The following IQCM variants were observed in gnomAD, a reference collection of about 807,000 sequenced individuals.
The protein encoded by IQCM is IQ motif containing M, also known as IQ domain-containing protein M.
IQCM carries 45 observed loss-of-function variants against 57.6 expected under a neutral mutation model. The ratio of observed to expected loss-of-function variants is 0.78; its 90% confidence interval spans 0.62 to 1.00. IQCM has a LOEUF of 1.00. Among genes scored for constraint, IQCM ranks in the 50% least tolerant of loss-of-function variants. IQCM has a pLI of 0.00. For missense variants in IQCM, 468 were observed against 511.6 expected (o/e 0.91, Z 0.82); for synonymous variants, 148 against 158.9 (o/e 0.93, Z 0.51).
chr4:149,770,272 A>AG (rs1403971710), intron 2 of IQCM, among the ~76,000 whole-genome samples: 2 of 152,076 alleles, frequency 1.3e-5, no homozygotes, highest in Non-Finnish European at 2.9e-5. Context: ...GAAGAAACAG[A>AG]TAACCTGCTT....
intron 12 of IQCM, among the ~76,000 whole-genome samples, chr4:149,528,134 T>C (rs1422201200): frequency 6.6e-6 from 1 of 151,908 alleles, no homozygotes; most frequent in African/African-American, 2.4e-5. Flanking sequence ...TACAGGCACC[T>C]GGCCCCACAC....
At chr4:149,365,041 C>G (rs1488131124) in intron 13 of IQCM, among the ~76,000 whole-genome samples, 1 of 152,022 alleles carries the variant, frequency 6.6e-6, no homozygotes, top group African/African-American at 2.4e-5. Context: ...TTTCCTAATT[C>G]TACCCTCTGA....
At chr4:149,433,323 A>G (rs1236917336) in intron 13 of IQCM, 73 bp downstream of exon 13, 1 of 641,504 alleles carries the variant, frequency 1.6e-6, no homozygotes. Flanking sequence ...CTAAGTGATG[A>G]ATACAGTTAT....
Position 149,428,089 on chromosome 4 carries a change from T to A in IQCM, c.1390+5307A>T, listed in dbSNP as rs879492465. On this transcript the variant is annotated intron_variant, in intron 13 of 13. Transcript: ENST00000636793. The stretch of plus-strand genomic sequence containing the variant: ...AATATATAGAGCTCCTTTCAAATGA[T>A]AATGTAAGTTTTTTACAGTAATCCT... Among the ~76,000 whole-genome samples, 16 of 151,860 alleles carry A rather than the reference T, an allele frequency of 1.1e-4. 1 individual carries two copies. The highest frequency in any genetic ancestry group is 2.2e-4 in the Non-Finnish European group (15 of 67,878).
At chr4:149,469,750 G>T (rs1739295332) in intron 12 of IQCM, among the ~76,000 whole-genome samples, 1 of 152,204 alleles carries the variant, frequency 6.6e-6, no homozygotes, top group African/African-American at 2.4e-5. Context: ...ACAAAGGGAA[G>T]CCCATCAGAC....
intron 3 of IQCM, among the ~76,000 whole-genome samples, chr4:149,739,467 A>AT (rs5862894): frequency 9.6e-4 from 120 of 125,024 alleles, no homozygotes; most frequent in Non-Finnish European, 1.6e-3. Context: ...TGTTTATATA[A>AT]TTTTTTTTTT....
At chr4:149,729,150 T>C (rs1163610250) in intron 5 of IQCM, among the ~76,000 whole-genome samples, 1 of 152,216 alleles carries the variant, frequency 6.6e-6, no homozygotes, top group Non-Finnish European at 1.5e-5. Flanking sequence ...GGAAGTTCCT[T>C]GAATAGACAA....
chr4:149,411,703 A>G (rs1160807077), intron 13 of IQCM, among the ~76,000 whole-genome samples: 1 of 152,192 alleles, frequency 6.6e-6, no homozygotes. Context: ...TTTACTAGGA[A>G]GAATAATAAA....
intron 7 of IQCM, among the ~76,000 whole-genome samples, chr4:149,664,618 C>A (rs6835892): frequency 0.21 from 31,337 of 152,046 alleles, 4,068 homozygotes; most frequent in Non-Finnish European, 0.28. Flanking sequence ...TTTGTGATGG[C>A]AATGCCACAG....
At chr4:149,458,011 A>C (rs1737883220) in intron 12 of IQCM, among the ~76,000 whole-genome samples, 1 of 151,986 alleles carries the variant, frequency 6.6e-6, no homozygotes, top group African/African-American at 2.4e-5. Context: ...AACAAAGTTG[A>C]ACATAAAAGA....
At chr4:149,755,239 T>G (rs1768851687) in intron 2 of IQCM, among the ~76,000 whole-genome samples, 1 of 152,174 alleles carries the variant, frequency 6.6e-6, no homozygotes, top group Non-Finnish European at 1.5e-5. Context: ...CAACCAGAGT[T>G]ATTCAAATAA....
At chr4:149,736,965 CTG>C (rs1183640989) in intron 3 of IQCM, among the ~76,000 whole-genome samples, 2 of 152,140 alleles carry the variant, frequency 1.3e-5, no homozygotes, top group Non-Finnish European at 2.9e-5. Flanking sequence ...AGTTTGTAAA[CTG>C]TGGTTATATG....
chr4:149,648,116 C>T (rs1451584260), intron 7 of IQCM, among the ~76,000 whole-genome samples: 1 of 152,064 alleles, frequency 6.6e-6, no homozygotes, highest in Non-Finnish European at 1.5e-5. Context: ...CAGATATTTT[C>T]ATCTTCTCAT....
chr4:149,576,515 A>G (rs1469789870), intron 9 of IQCM, among the ~76,000 whole-genome samples: 1 of 151,894 alleles, frequency 6.6e-6, no homozygotes, highest in East Asian at 1.9e-4. Flanking sequence ...TTGTTCCCAG[A>G]TTAATCCGCT....
At chr4:149,558,565 G>C (rs1047732226) in intron 10 of IQCM, among the ~76,000 whole-genome samples, 12 of 152,114 alleles carry the variant, frequency 7.9e-5, no homozygotes, top group African/African-American at 1.2e-4. Flanking sequence ...GTGGTAGTAA[G>C]TGCCATGAAG....
intron 7 of IQCM, among the ~76,000 whole-genome samples, chr4:149,679,091 T>A (rs2150197272): frequency 6.6e-6 from 1 of 151,864 alleles, no homozygotes; most frequent in South Asian, 2.1e-4. Flanking sequence ...CCATGTTTAT[T>A]GTAGCACTAT....
At chr4:149,577,148 T>C (rs1159324776) in intron 9 of IQCM, among the ~76,000 whole-genome samples, 1 of 152,026 alleles carries the variant, frequency 6.6e-6, no homozygotes, top group Non-Finnish European at 1.5e-5. Flanking sequence ...GTCAGATGCA[T>C]AGTTTGCAAA....
intron 13 of IQCM, among the ~76,000 whole-genome samples, chr4:149,375,565 G>A (rs1021766435): frequency 2.0e-5 from 3 of 152,136 alleles, no homozygotes; most frequent in Non-Finnish European, 2.9e-5. Context: ...TTAAACATTA[G>A]TTTGAAAAAT....
chr4:149,458,910 C>T (rs112452403), intron 12 of IQCM, among the ~76,000 whole-genome samples: 20 of 152,102 alleles, frequency 1.3e-4, no homozygotes, highest in African/African-American at 4.8e-4. Flanking sequence ...TTTTGGGTGC[C>T]CTAGGCAGCC....
Sources: allele counts gnomAD v4.1 joint callset (sites outside exome capture counted in the v4.1 genomes callset), GRCh38; gene constraint gnomAD v4.1.1; transcripts MANE v1.5; gene names NCBI Gene and HGNC (gene_info 2026-07-23, HGNC 2026-07-21).